IQSEC1: variants seen among roughly 807,000 people sequenced by gnomAD.
IQSEC1 encodes IQ motif and SEC7 domain-containing protein 1.
In IQSEC1, 31 loss-of-function variants were observed where a neutral mutation model predicts 91.0. That is an observed-to-expected ratio of 0.34 (90% confidence interval 0.26 to 0.46). IQSEC1 has a LOEUF of 0.46. Among genes scored for constraint, IQSEC1 ranks in the 20% least tolerant of loss-of-function variants. The probability of loss-of-function intolerance (pLI) is 1.00; values close to 1 mark genes in which losing one functional copy is unlikely to be tolerated. For synonymous variants in IQSEC1, 699 were observed against 662.6 expected, an observed-to-expected ratio of 1.05 and a Z score of -0.84; for missense variants, 1,388 against 1,575.6, an observed-to-expected ratio of 0.88 and a Z score of 2.02.
chr3:12,901,867 G>A (rs1225770865), intron 13 of IQSEC1, among the ~76,000 whole-genome samples: 1 of 152,162 alleles, frequency 6.6e-6, no homozygotes, highest in Non-Finnish European at 1.5e-5. Flanking sequence ...CCTAGGTTGG[G>A]GTGTCTGTGC....
At chr3:13,037,132 T>G (rs1003865863) in intron 1 of IQSEC1, among the ~76,000 whole-genome samples, 1 of 152,110 alleles carries the variant, frequency 6.6e-6, no homozygotes, top group African/African-American at 2.4e-5. Context: ...CCTCTTTACA[T>G]TAAAAAAACC....
chr3:12,954,794 G>C (rs1270466329), intron 1 of IQSEC1, among the ~76,000 whole-genome samples: 1 of 152,290 alleles, frequency 6.6e-6, no homozygotes, highest in East Asian at 1.9e-4. Context: ...CTAGTGACTT[G>C]GGGACCTGCA....
rs185793503 is a variant in IQSEC1, at chr3:13,264,108, C to T, written c.272+18603G>A. 5.5e-3 allele frequency among the ~76,000 whole-genome samples: 841 copies of T among 152,302 alleles called. 5 individuals carry two copies. The highest frequency in any genetic ancestry group is 9.5e-3 in the Non-Finnish European group (647 of 68,022). ...CCTGGGCTTTTGAGCCGGACGGCGC[C>T]GGCCAGGCCACTGACCCCAGCCAGC... On this transcript the variant is annotated intron_variant, in intron 1 of 15. Transcript: ENST00000648114.
At chr3:13,230,328 A>G (rs1694821543) in intron 1 of IQSEC1, among the ~76,000 whole-genome samples, 3 of 152,078 alleles carry the variant, frequency 2.0e-5, no homozygotes. Context: ...CACAAAATTG[A>G]CCTTGTTCGA....
intron 9 of IQSEC1, among the ~76,000 whole-genome samples, chr3:12,912,966 C>T (rs1485564385): frequency 5.9e-5 from 9 of 152,242 alleles, no homozygotes; most frequent in Non-Finnish European, 2.9e-5. Flanking sequence ...AAGCACTGCA[C>T]CTGCCTGGCC....
intron 1 of IQSEC1, among the ~76,000 whole-genome samples, chr3:13,221,051 G>A (rs999671488): frequency 8.5e-5 from 13 of 152,188 alleles, no homozygotes; most frequent in Non-Finnish European, 1.6e-4. Context: ...AGGCAGGGAG[G>A]CCAGTGAGCA....
At chr3:13,174,482 GC>G (rs1693679429) in intron 1 of IQSEC1, among the ~76,000 whole-genome samples, 1 of 152,088 alleles carries the variant, frequency 6.6e-6, no homozygotes, top group South Asian at 2.1e-4. Flanking sequence ...CCCCATCTCA[GC>G]GGGGGCTCCT....
chr3:12,968,049 C>T (rs529754399), intron 1 of IQSEC1, among the ~76,000 whole-genome samples: 113 of 152,342 alleles, frequency 7.4e-4, no homozygotes, highest in African/African-American at 2.6e-3. Flanking sequence ...TGCGCAGCCC[C>T]TCCAACACTG....
At chr3:13,029,882 A>G (rs879856283) in intron 1 of IQSEC1, among the ~76,000 whole-genome samples, 7 of 152,150 alleles carry the variant, frequency 4.6e-5, no homozygotes, top group African/African-American at 1.4e-4. Context: ...CAATACCCAG[A>G]CCTGTAGAGG....
chr3:13,149,092 C>T (rs1205989954), intron 2 of IQSEC1, among the ~76,000 whole-genome samples: 1 of 152,250 alleles, frequency 6.6e-6, no homozygotes, highest in Non-Finnish European at 1.5e-5. Context: ...TCTGGGCAGT[C>T]CCCACACCCG....
At position 13,137,855 on chromosome 3, in the gene IQSEC1, T is replaced by C. The variant is rs113324497; in HGVS notation, c.302+26249A>G. On this transcript the variant is annotated intron_variant, in intron 2 of 15. Transcript: ENST00000648114. ...TCTAAAAATAATAATAATAATAAAATGCACATATATAATATGCAGAACACA... is the reference window on the plus strand; with the variant it reads ...TCTAAAAATAATAATAATAATAAAACGCACATATATAATATGCAGAACACA... Among the ~76,000 whole-genome samples, 471 of 152,232 alleles carry C rather than the reference T, an allele frequency of 3.1e-3. 7 individuals are homozygous for C. Among genetic ancestry groups the C allele is most frequent in the African/African-American group, 0.011 (456 of 41,524 alleles).
intron 1 of IQSEC1, among the ~76,000 whole-genome samples, chr3:12,954,491 A>G (rs1699772841): frequency 6.6e-6 from 1 of 152,136 alleles, no homozygotes; most frequent in Non-Finnish European, 1.5e-5. Context: ...CGTGGCAAAC[A>G]TGGGGGAGAG....
chr3:13,171,950 G>A (rs1211884140), intron 1 of IQSEC1, among the ~76,000 whole-genome samples: 32 of 152,072 alleles, frequency 2.1e-4, no homozygotes, highest in Admixed American at 1.9e-3. Flanking sequence ...AGGGGCAACC[G>A]GCACCTGGAC....
At position 12,936,713 on chromosome 3, in the gene IQSEC1, G is replaced by A. The variant is rs769253952; in HGVS notation, c.319-16C>T. ...GCATCTCCACCTGCGGGTGGGAGAG[G>A]AGAATGAGAACAGCACTGCATGTAG... On this transcript the variant is annotated splice_polypyrimidine_tract_variant and intron_variant, in intron 2 of 13. Coordinates refer to ENST00000613206, the MANE Select transcript of IQSEC1 (RefSeq NM_001134382.3). 3.9e-6 allele frequency: 6 copies of A among 1,552,904 alleles called. No homozygotes were observed. In the South Asian group the frequency reaches 4.7e-5, roughly 12 times the overall value.
In IQSEC1 at chr3:12,897,173, T is replaced by G. The variant is rs1385805745; in HGVS notation, c.*3810A>C. The G allele has an allele frequency of 1.3e-5, 2 of 152,256 alleles. No individual in the cohort carries two copies. The highest frequency in any genetic ancestry group is 2.9e-5 in the Non-Finnish European group (2 of 68,040). 9.4% of individuals were successfully genotyped at this position (152,256 alleles called of 1,614,324 possible). A position where few individuals can be genotyped will look rare whatever the true frequency, so the allele number is the denominator to read the frequency against. ...AACTCATCAGCTGGAGATCTGGGTC[T>G]GGCCAACAGGGCAACTTCTGGACTT... On this transcript the variant is annotated 3_prime_UTR_variant, in exon 14 of 14. Transcript: ENST00000613206.
At chr3:13,075,760 G>C (rs1483015730), upstream of IQSEC1, among the ~76,000 whole-genome samples, 1 of 152,184 alleles carries the variant, frequency 6.6e-6, no homozygotes, top group East Asian at 1.9e-4. Flanking sequence ...GCACTGGCGC[G>C]GTTTTGATTT....
chr3:12,991,316 G>A (rs1157185577), intron 1 of IQSEC1, among the ~76,000 whole-genome samples: 2 of 152,170 alleles, frequency 1.3e-5, no homozygotes, highest in Non-Finnish European at 2.9e-5. Context: ...CCAAAGCAGG[G>A]CGAGGCGGGG....
chr3:13,091,359 C>A (rs1705858152), intron 2 of IQSEC1, among the ~76,000 whole-genome samples: 1 of 152,234 alleles, frequency 6.6e-6, no homozygotes, highest in African/African-American at 2.4e-5. Context: ...ATAGACCGTG[C>A]CTGGCACATA....
chr3:13,242,585 T>G (rs1012138677), intron 1 of IQSEC1, among the ~76,000 whole-genome samples: 1 of 152,204 alleles, frequency 6.6e-6, no homozygotes, highest in Non-Finnish European at 1.5e-5. Context: ...ACACAGTGTC[T>G]TCCTTAGGGG....
Sources: allele counts gnomAD v4.1 joint callset (sites outside exome capture counted in the v4.1 genomes callset), GRCh38; gene constraint gnomAD v4.1.1; transcripts MANE v1.5; gene names NCBI Gene and HGNC (gene_info 2026-07-23, HGNC 2026-07-21).